MYO1D: variants seen among roughly 807,000 people sequenced by gnomAD.
MYO1D encodes myosin ID.
A neutral mutation model predicts 122.0 loss-of-function variants in MYO1D; 83 were observed. The observed-to-expected ratio is 0.68, with a 90% CI of 0.57 to 0.82. MYO1D has a LOEUF of 0.82. MYO1D is among the 40% of genes least tolerant of loss of function. The pLI is 0.00. For synonymous variants in MYO1D, 464 were observed against 446.9 expected (o/e 1.04, Z -0.48); for missense variants, 1,157 against 1,269.5 (o/e 0.91, Z 1.35).
intron 20 of MYO1D, among the ~76,000 whole-genome samples, chr17:32,630,898 C>G (rs1220738652): frequency 2.0e-5 from 3 of 152,134 alleles, no homozygotes; most frequent in Non-Finnish European, 4.4e-5. Context: ...CTGACGGCTT[C>G]TCTCCTTGCC....
intron 16 of MYO1D, among the ~76,000 whole-genome samples, chr17:32,663,982 TG>T (rs2088604899): frequency 6.6e-6 from 1 of 152,220 alleles, no homozygotes; most frequent in African/African-American, 2.4e-5. Flanking sequence ...TCGGGGTTGA[TG>T]GCATGTTCTT....
rs776277521 is a variant in MYO1D, at chr17:32,598,668, AT to A, written c.2864+6418del. Among the ~76,000 whole-genome samples the A allele has an allele frequency of 5.9e-3, 889 of 151,736 alleles. 6 individuals carry two copies. The highest frequency in any genetic ancestry group is 0.02 in the African/African-American group (842 of 41,386). On this transcript the variant is annotated intron_variant, in intron 21 of 21. Coordinates refer to ENST00000318217, the MANE Select transcript of MYO1D (RefSeq NM_015194.3). ...ATATCACAATAAAGCAAGTCACACA[AT>A]TTTTTTTTGGTTTTCCAGTGCATAT... is the stretch of plus-strand genomic sequence containing the variant.
intron 20 of MYO1D, among the ~76,000 whole-genome samples, chr17:32,630,137 C>T (rs1390643112): frequency 6.6e-6 from 1 of 152,016 alleles, no homozygotes; most frequent in Admixed American, 6.6e-5. Flanking sequence ...TGTATATACA[C>T]AGATTATACA....
At chr17:32,566,706 AC>A (rs1365573497) in intron 21 of MYO1D, among the ~76,000 whole-genome samples, 4 of 151,390 alleles carry the variant, frequency 2.6e-5, no homozygotes, top group African/African-American at 4.9e-5. Flanking sequence ...GACAGTAGTT[AC>A]GGTTGTTGTC....
In MYO1D at chr17:32,780,761, G is replaced by A. The variant is rs756345838; in HGVS notation, c.119C>T (p.Thr40Met). 7 of 1,614,130 alleles carry A rather than the reference G, an allele frequency of 4.3e-6. No individual in the cohort carries two copies. Among genetic ancestry groups the A allele is most frequent in the African/African-American group, 1.3e-5 (1 of 75,032 alleles). ...RLRFEKGRIY[T>M]FIGEVVVSVN... The stretch of plus-strand genomic sequence containing the variant: ...AGAAACGACGACTTCTCCAATGAAC[G>A]TATAGATGCGCCCTTTTTCAAATCT... Residue 40 changes from threonine (T) to methionine (M), a missense_variant, in exon 2 of 22, where the codon ACG becomes ATG. By Grantham distance (81) the Thr-to-Met change is moderately conservative. Transcript: ENST00000318217.
chr17:32,601,355 A>C lies in MYO1D; in HGVS notation c.2864+3732T>G, dbSNP rs183106846. 1.4e-3 allele frequency among the ~76,000 whole-genome samples: 215 copies of C among 152,248 alleles called. 3 individuals carry two copies. Among genetic ancestry groups the C allele is most frequent in the Middle Eastern group, 0.01 (3 of 294 alleles). ...TCAATCTTGTTGTATCTCAGGGAAT[A>C]GGGGAGCCTGAGGAGAGGAAGAGAG... On this transcript the variant is annotated intron_variant, in intron 21 of 21. Coordinates refer to ENST00000318217, the MANE Select transcript of MYO1D (RefSeq NM_015194.3).
chr17:32,612,051 G>T (rs753919325), intron 20 of MYO1D, among the ~76,000 whole-genome samples: 1 of 152,126 alleles, frequency 6.6e-6, no homozygotes, highest in Admixed American at 6.6e-5. Context: ...ATGAAATAGC[G>T]TGGGAGCATA....
intron 16 of MYO1D, chr17:32,686,188 A>G (rs1236033018): frequency 6.6e-6 from 1 of 152,234 alleles, no homozygotes; most frequent in Non-Finnish European, 1.5e-5. Context: ...TAAGTTAAGG[A>G]TTTTGAGATG....
chr17:32,841,596 T>A (rs2090882464), intron 1 of MYO1D, among the ~76,000 whole-genome samples: 2 of 152,180 alleles, frequency 1.3e-5, no homozygotes, highest in Non-Finnish European at 2.9e-5. Flanking sequence ...AGGTGTCTAC[T>A]ACAAAGTTTG....
intron 16 of MYO1D, chr17:32,684,407 A>G (rs2088975645): frequency 6.6e-6 from 1 of 152,224 alleles, no homozygotes. Context: ...AGAATGTGTA[A>G]TCCATGAGGA....
At chr17:32,641,415 T>C (rs1307231884) in intron 19 of MYO1D, among the ~76,000 whole-genome samples, 2 of 152,196 alleles carry the variant, frequency 1.3e-5, no homozygotes, top group East Asian at 1.9e-4. Context: ...TGTGTCTTTA[T>C]AGCAGCATGA....
chr17:32,662,605 G>A (rs1168931843), intron 16 of MYO1D, among the ~76,000 whole-genome samples: 1 of 152,090 alleles, frequency 6.6e-6, no homozygotes, highest in Non-Finnish European at 1.5e-5. Flanking sequence ...CCTGGGAAGG[G>A]GAGGCTGCAG....
At chr17:32,518,926 A>T (rs1909996690) in intron 21 of MYO1D, 2 of 152,246 alleles carry the variant, frequency 1.3e-5, no homozygotes, top group Non-Finnish European at 2.9e-5. Flanking sequence ...TCGGCGGCCG[A>T]CAGGTTCTCT....
chr17:32,760,424 T>C lies in MYO1D; in HGVS notation c.1182-20A>G, dbSNP rs1567627785. ...TCAAAACTACAAGAAAAGGAATAAA[T>C]TAAGTTTCAACAAATAGAAAACAGG... On this transcript the variant is annotated intron_variant, in intron 9 of 21. Coordinates refer to ENST00000318217, the MANE Select transcript of MYO1D (RefSeq NM_015194.3). 1 of 1,604,674 alleles carries C rather than the reference T, an allele frequency of 6.2e-7. No homozygotes were observed. The highest frequency in any genetic ancestry group is 2.2e-5 in the East Asian group (1 of 44,640).
chr17:32,866,150 G>C (rs1234887195), intron 1 of MYO1D, among the ~76,000 whole-genome samples: 1 of 152,118 alleles, frequency 6.6e-6, no homozygotes, highest in Non-Finnish European at 1.5e-5. Flanking sequence ...CCCAGTAGCT[G>C]GGACCACAGG....
At chr17:32,693,670 G>A (rs1263471763) in intron 16 of MYO1D, among the ~76,000 whole-genome samples, 1 of 152,140 alleles carries the variant, frequency 6.6e-6, no homozygotes, top group African/African-American at 2.4e-5. Flanking sequence ...CCCAGGCAAC[G>A]GATTTGCTGC....
At chr17:32,751,679 ACACT>A (rs975399960) in intron 11 of MYO1D, among the ~76,000 whole-genome samples, 2 of 152,148 alleles carry the variant, frequency 1.3e-5, no homozygotes, top group African/African-American at 2.4e-5. Context: ...ATATCCACAA[ACACT>A]CACACAAAAG....
At chr17:32,697,685 C>T (rs547555034) in intron 16 of MYO1D, among the ~76,000 whole-genome samples, 12 of 151,978 alleles carry the variant, frequency 7.9e-5, no homozygotes, top group African/African-American at 1.4e-4. Context: ...TTACTATACA[C>T]GTGTCAAGAG....
intron 11 of MYO1D, among the ~76,000 whole-genome samples, chr17:32,751,016 C>T (rs982615275): frequency 1.3e-5 from 2 of 152,186 alleles, no homozygotes; most frequent in Admixed American, 1.3e-4. Context: ...AACATTCTTA[C>T]ATTTGGATAC....
Sources: allele counts gnomAD v4.1 joint callset (sites outside exome capture counted in the v4.1 genomes callset), GRCh38; gene constraint gnomAD v4.1.1; transcripts MANE v1.5; gene names NCBI Gene and HGNC (gene_info 2026-07-23, HGNC 2026-07-21).